The following FAM91A1 variants were observed in gnomAD, a reference collection of about 807,000 sequenced individuals.
FAM91A1 encodes the protein family with sequence similarity 91 member A1, also known as protein FAM91A1.
A neutral mutation model predicts 113.5 loss-of-function variants in FAM91A1; 41 were observed. The observed-to-expected ratio is 0.36, with a 90% CI of 0.28 to 0.47. FAM91A1 has a LOEUF of 0.47. Among genes scored for constraint, FAM91A1 ranks in the 20% least tolerant of loss-of-function variants. The pLI, the probability that FAM91A1 is intolerant of heterozygous loss-of-function variation, is 1.00. For synonymous variants in FAM91A1, 307 were observed against 347.9 expected, an observed-to-expected ratio of 0.88 and a Z score of 1.31; for missense variants, 696 against 1,001.2, an observed-to-expected ratio of 0.70 and a Z score of 4.11.
In FAM91A1 at chr8:123,771,744, AG is replaced by A. The variant is rs1430052836; in HGVS notation, c.73-2332del. Among the ~76,000 whole-genome samples, 4 of 152,152 alleles carry A rather than the reference AG, an allele frequency of 2.6e-5. No individual in the cohort carries two copies. In the South Asian group the frequency reaches 6.2e-4, roughly 24 times the overall value. On this transcript the variant is annotated intron_variant, in intron 1 of 23. Transcript: ENST00000334705. ...TTTAAAAAATTTTTTGATGCGGCAC[AG>A]GGGTGTACTTGGGGATGTATATGCT... is the stretch of plus-strand genomic sequence containing the variant.
chr8:123,768,643 G>A lies in FAM91A1; in HGVS notation c.-60G>A. 6.9e-7 allele frequency: 1 copy of A among 1,456,812 alleles called. No homozygotes were observed. The highest frequency in any genetic ancestry group is 2.5e-5 in the East Asian group (1 of 39,316). 90.2% of individuals were successfully genotyped at this position (1,456,812 alleles called of 1,614,324 possible). A position where few individuals can be genotyped will look rare whatever the true frequency, so the allele number is the denominator to read the frequency against. ...CCGCTGACAGGCTGCGGGCGGGCAG[G>A]CGGGAGGCGTAGTGTGGGTCGCGGT... On this transcript the variant is annotated 5_prime_UTR_variant, in exon 1 of 24. Coordinates refer to ENST00000334705, the MANE Select transcript of FAM91A1 (RefSeq NM_144963.4).
chr8:123,777,613 A>T (rs910023210), intron 4 of FAM91A1, among the ~76,000 whole-genome samples: 1 of 152,202 alleles, frequency 6.6e-6, no homozygotes, highest in Non-Finnish European at 1.5e-5. Context: ...GTGTATATTG[A>T]ATGTGGGAGG....
intron 22 of FAM91A1, 57 bp downstream of exon 22, chr8:123,809,073 T>C (rs934691503): frequency 1.3e-5 from 20 of 1,587,474 alleles, no homozygotes; most frequent in South Asian, 1.1e-4. Context: ...TGTCAGCAAA[T>C]AGTTACCATA....
intron 11 of FAM91A1, chr8:123,786,142 G>T: frequency 4.0e-6 from 1 of 252,412 alleles, no homozygotes; most frequent in Non-Finnish European, 7.7e-6. Flanking sequence ...TATTCAACCT[G>T]TCAGTTGAGG....
chr8:123,787,819 A>G (rs1052032638), intron 14 of FAM91A1, 69 bp downstream of exon 14: 3 of 1,244,676 alleles, frequency 2.4e-6, no homozygotes, highest in African/African-American at 1.5e-5. Flanking sequence ...CAGAATGCCA[A>G]TTATACAGTC....
At position 123,787,724 on chromosome 8, in the gene FAM91A1, G is replaced by A. The variant is rs1815292936; in HGVS notation, c.1252G>A (p.Asp418Asn). ...AGGCAAACTCTCAGATGAGTCTCTG[G>A]ACAGCTTTCTTATAGAACTAGAAAA... ...EVGKLSDESL[D>N]SFLIELEKVQ... The change falls in exon 14 of 24, where the codon GAC becomes AAC. Residue 418 changes from aspartate to asparagine, a missense_variant. Transcript: ENST00000334705. The A allele has an allele frequency of 6.2e-7, 1 of 1,612,664 alleles. No homozygotes were observed.
Position 123,814,855 on chromosome 8 carries a change from G to A in FAM91A1, c.*2151G>A, listed in dbSNP as rs1370186971. On this transcript the variant is annotated 3_prime_UTR_variant, in exon 24 of 24. Coordinates refer to ENST00000334705, the MANE Select transcript of FAM91A1 (RefSeq NM_144963.4). Reference sequence around the variant, plus strand: ...AGCATTGATCCATTTCAACAAAAAGGTAAATTTAAAATGCAGACTTTGTTA... The same window carrying A: ...AGCATTGATCCATTTCAACAAAAAGATAAATTTAAAATGCAGACTTTGTTA... 1 of 152,566 alleles carries A rather than the reference G, an allele frequency of 6.6e-6. No homozygotes were observed. Among genetic ancestry groups the A allele is most frequent in the Non-Finnish European group, 1.5e-5 (1 of 68,016 alleles). 9.5% of individuals were successfully genotyped at this position (152,566 alleles called of 1,614,324 possible).
intron 23 of FAM91A1, chr8:123,812,123 T>C: frequency 6.5e-6 from 1 of 154,654 alleles, no homozygotes; most frequent in East Asian, 1.9e-4. Flanking sequence ...TTCACCCGCC[T>C]CAGCCTCCCA....
chr8:123,768,599 C>A lies in FAM91A1; in HGVS notation c.-104C>A. ...CCTGGGCCTTCTGCAGTGTGAGGCG[C>A]GGGGCCTCCCGCGTCGCTCCGCTGA... On this transcript the variant is annotated 5_prime_UTR_variant, in exon 1 of 24. Transcript: ENST00000334705. The A allele has an allele frequency of 9.8e-7, 1 of 1,024,588 alleles. No individual in the cohort carries two copies. The highest frequency in any genetic ancestry group is 1.7e-5 in the African/African-American group (1 of 58,774). 63.5% of individuals were successfully genotyped at this position (1,024,588 alleles called of 1,614,324 possible). A position where few individuals can be genotyped will look rare whatever the true frequency, so the allele number is the denominator to read the frequency against.
At chr8:123,774,224 A>G (rs1468902660) in intron 2 of FAM91A1, 60 bp downstream of exon 2, 3 of 1,337,854 alleles carry the variant, frequency 2.2e-6, no homozygotes, top group Non-Finnish European at 3.1e-6. Context: ...ACATTCGTAA[A>G]TCTTTCTTTT....
chr8:123,788,238 C>A (rs993176701), intron 14 of FAM91A1: 4 of 985,148 alleles, frequency 4.1e-6, no homozygotes, highest in Non-Finnish European at 4.8e-6. Context: ...TCTTAACCAC[C>A]TTTTTCCCCG....
chr8:123,806,316 T>C lies in FAM91A1; in HGVS notation c.2032+87T>C, dbSNP rs59400236. The C allele has an allele frequency of 4.0e-3, 5,375 of 1,334,310 alleles. 180 individuals carry two copies. The African/African-American group carries it at 0.068, about 17-fold the overall frequency. The allele number at this position is 1,334,310 out of a possible 1,614,324, so 82.7% of individuals were successfully genotyped here. A position where few individuals can be genotyped will look rare whatever the true frequency, so the allele number is the denominator to read the frequency against. On this transcript the variant is annotated intron_variant, in intron 20 of 23. Coordinates refer to ENST00000334705, the MANE Select transcript of FAM91A1 (RefSeq NM_144963.4). Reference sequence around the variant, plus strand: ...ATATATGAAAAGCAGCAGACCTTTGTGGGGATGCTGAATTATTGAATACTC... The same window carrying C: ...ATATATGAAAAGCAGCAGACCTTTGCGGGGATGCTGAATTATTGAATACTC...
chr8:123,787,738 A>G lies in FAM91A1; in HGVS notation c.1266A>G (p.Ile422Met). ...LSDESLDSFL[I>M]ELEKVQSTGE... ...ATGAGTCTCTGGACAGCTTTCTTATAGAACTAGAAAAGGTAAATGTAGATT... is the reference window on the plus strand; with the variant it reads ...ATGAGTCTCTGGACAGCTTTCTTATGGAACTAGAAAAGGTAAATGTAGATT... The change falls in exon 14 of 24, where the codon ATA becomes ATG. Residue 422 changes from isoleucine (I) to methionine (M), a missense_variant. Ile to Met is a conservative substitution (Grantham distance 10). Coordinates refer to ENST00000334705, the MANE Select transcript of FAM91A1 (RefSeq NM_144963.4). 1.2e-6 allele frequency: 2 copies of G among 1,612,112 alleles called. No individual in the cohort carries two copies. Among genetic ancestry groups the G allele is most frequent in the Non-Finnish European group, 1.7e-6 (2 of 1,179,058 alleles).
At chr8:123,773,134 AT>A (rs1407810512) in intron 1 of FAM91A1, among the ~76,000 whole-genome samples, 1 of 152,232 alleles carries the variant, frequency 6.6e-6, no homozygotes, top group African/African-American at 2.4e-5. Flanking sequence ...TTCTTAAAAT[AT>A]TACCTACCAA....
At chr8:123,778,535 T>TA in intron 5 of FAM91A1, 124 bp from the exon 6 acceptor site, 1 of 649,590 alleles carries the variant, frequency 1.5e-6, no homozygotes, top group Non-Finnish European at 2.7e-6. Context: ...GTTAAGATTT[T>TA]AAAACATGAA....
intron 9 of FAM91A1, 138 bp downstream of exon 9, chr8:123,784,714 A>G: frequency 2.0e-6 from 1 of 509,006 alleles, no homozygotes; most frequent in Non-Finnish European, 3.3e-6. Flanking sequence ...CTTAAATGTC[A>G]TTATTCTTAA....
In FAM91A1 at chr8:123,812,806, A is replaced by G. The variant is rs1312772475; in HGVS notation, c.*102A>G. The G allele has an allele frequency of 2.0e-5, 20 of 985,732 alleles. No individual in the cohort carries two copies. In the East Asian group the frequency reaches 3.0e-4, roughly 15 times the overall value. 61.1% of individuals were successfully genotyped at this position (985,732 alleles called of 1,614,324 possible). A position where few individuals can be genotyped will look rare whatever the true frequency, so the allele number is the denominator to read the frequency against. On this transcript the variant is annotated 3_prime_UTR_variant, in exon 24 of 24. Coordinates refer to ENST00000334705, the MANE Select transcript of FAM91A1 (RefSeq NM_144963.4). ...AAAAGCATCCTGCTGCTGCAGTGCA[A>G]TTCTTGCTTAACTAATATTAAAAGT... is the stretch of plus-strand genomic sequence containing the variant.
chr8:123,784,933 A>G, intron 9 of FAM91A1, 148 bp from the exon 10 acceptor site: 2 of 552,244 alleles, frequency 3.6e-6, no homozygotes, highest in Non-Finnish European at 6.2e-6. Flanking sequence ...ATAGGGAAAG[A>G]AGAAAGTTCT....
intron 15 of FAM91A1, among the ~76,000 whole-genome samples, chr8:123,794,515 G>A (rs897727640): frequency 6.6e-6 from 1 of 152,210 alleles, no homozygotes; most frequent in African/African-American, 2.4e-5. Context: ...AGTACATATG[G>A]TACTACTGTA....
Sources: gnomAD v4.1 joint callset for allele counts (sites outside exome capture counted in the v4.1 genomes callset) on GRCh38, gnomAD v4.1.1 for gene constraint, MANE v1.5 for transcripts, NCBI Gene and HGNC (gene_info 2026-07-23, HGNC 2026-07-21) for gene names.